Variants in TFRC observed in about 807,000 individuals in gnomAD.
TFRC encodes the protein transferrin receptor protein 1.
TFRC carries 35 observed loss-of-function variants against 85.8 expected under a neutral mutation model. The ratio of observed to expected loss-of-function variants is 0.41; its 90% confidence interval spans 0.31 to 0.54. TFRC has a LOEUF of 0.54. Ranked by LOEUF, TFRC falls within the 20% of genes least tolerant of loss-of-function variation. TFRC has a pLI of 0.31. For missense variants in TFRC, 828 were observed against 921.5 expected (o/e 0.90, Z 1.31); for synonymous variants, 362 against 328.6 (o/e 1.10, Z -1.10).
At chr3:196,061,949 T>C (rs531104995) in intron 13 of TFRC, among the ~76,000 whole-genome samples, 2 of 152,316 alleles carry the variant, frequency 1.3e-5, no homozygotes, top group Admixed American at 6.5e-5. Flanking sequence ...ACTGTGTAAC[T>C]TGACAGACTA....
chr3:196,057,227 G>A (rs988753922), intron 16 of TFRC, among the ~76,000 whole-genome samples: 4 of 152,190 alleles, frequency 2.6e-5, no homozygotes, highest in Admixed American at 1.3e-4. Flanking sequence ...ATCGAGCCCT[G>A]ACCTAACCAG....
chr3:196,060,098 G>T, intron 14 of TFRC, 82 bp downstream of exon 14: 1 of 1,072,040 alleles, frequency 9.3e-7, no homozygotes, highest in Non-Finnish European at 1.4e-6. Context: ...TACTGACTAC[G>T]GTTTACATAT....
intron 14 of TFRC, chr3:196,059,086 T>A (rs1192123008): frequency 6.5e-6 from 1 of 152,888 alleles, no homozygotes; most frequent in East Asian, 1.9e-4. Context: ...GAGGCCAAGG[T>A]CAAGAGATCA....
Position 196,058,353 on chromosome 3 carries a change from A to G in TFRC, c.1608T>C (p.Thr536=), listed in dbSNP as rs1174369607. The G allele has an allele frequency of 6.2e-7, 1 of 1,613,992 alleles. No homozygotes were observed. The highest frequency in any genetic ancestry group is 1.1e-5 in the South Asian group (1 of 91,050). Residue 536 remains threonine, a synonymous_variant, in exon 16 of 19, where the codon ACT becomes ACC. Transcript: ENST00000360110. ...SNWASKVEKL[T]LDNAAFPFLA... is the part of the protein sequence containing the mutation. ...GGAAAGGGAAAGCAGCATTGTCTAAAGTGAGTTTCTCACTGCAAAGACAAA... is the reference window on the plus strand; with the variant it reads ...GGAAAGGGAAAGCAGCATTGTCTAAGGTGAGTTTCTCACTGCAAAGACAAA...
At position 196,068,039 on chromosome 3, in the gene TFRC, A is replaced by G. The variant is rs751558521; in HGVS notation, c.893T>C (p.Phe298Ser). 5.9e-5 allele frequency: 95 copies of G among 1,611,750 alleles called. No individual in the cohort carries two copies. Among genetic ancestry groups the G allele is most frequent in the Non-Finnish European group, 7.9e-5 (93 of 1,179,014 alleles). ...FPIVNAELSFFGHAHLGTGDP... is the reference protein window; with the variant it reads ...FPIVNAELSFSGHAHLGTGDP... The stretch of plus-strand genomic sequence containing the variant: ...ACTCAAGAAATAACTCACATGTCCA[A>G]AGAATGAAAGTTCTGCGTTAACAAT... Residue 298 changes from phenylalanine (F) to serine (S), a missense_variant, in exon 8 of 19, where the codon TTT (phenylalanine) becomes TCT (serine). Phe to Ser is a radical substitution (Grantham distance 155). Coordinates refer to ENST00000360110, the MANE Select transcript of TFRC (RefSeq NM_001128148.3).
At chr3:196,058,454 T>C (rs1379180792) in intron 15 of TFRC, 89 bp from the exon 16 acceptor site, 5 of 1,481,372 alleles carry the variant, frequency 3.4e-6, no homozygotes, top group African/African-American at 2.8e-5. Context: ...ATAAATTCTT[T>C]AGCTGAATAT....
intron 1 of TFRC, 127 bp from the exon 2 acceptor site, chr3:196,077,249 T>A: frequency 1.6e-6 from 1 of 623,038 alleles, no homozygotes; most frequent in Non-Finnish European, 2.8e-6. Flanking sequence ...AAAAGGTATT[T>A]AACCATAGTT....
intron 4 of TFRC, among the ~76,000 whole-genome samples, 188 bp from the exon 5 acceptor site, chr3:196,072,340 T>A (rs1718283628): frequency 6.6e-6 from 1 of 152,212 alleles, no homozygotes; most frequent in Non-Finnish European, 1.5e-5. Flanking sequence ...CCAAATCTTG[T>A]AACTTCAAAG....
chr3:196,073,792 C>T (rs1162563608), intron 4 of TFRC, 138 bp downstream of exon 4: 3 of 875,772 alleles, frequency 3.4e-6, no homozygotes, highest in Non-Finnish European at 4.9e-6. Context: ...CAGGCCCCTT[C>T]CCCTCTTTAG....
chr3:196,066,331 G>A (rs372202818), intron 9 of TFRC, among the ~76,000 whole-genome samples: 3 of 151,948 alleles, frequency 2.0e-5, no homozygotes, highest in African/African-American at 7.3e-5. Context: ...GGTGGCTCAC[G>A]CCTGTAATCC....
chr3:196,051,953 T>C lies in TFRC; in HGVS notation c.2272A>G (p.Asn758Asp), dbSNP rs764248298. Residue 758 changes from asparagine (N) to aspartate (D), a missense_variant, in exon 19 of 19, where the codon AAT becomes GAT. By Grantham distance (23) the Asn-to-Asp change is conservative. Transcript: ENST00000360110. Reference sequence around the variant, plus strand: ...TATGGGTATCACATTTAAAACTCATTGTCAATGTCCCAAACGTCACCAGAG... The same window carrying C: ...TATGGGTATCACATTTAAAACTCATCGTCAATGTCCCAAACGTCACCAGAG... ...ALSGDVWDID[N>D]EF is the part of the protein sequence containing the mutation. 2.5e-6 allele frequency: 4 copies of C among 1,614,130 alleles called. No homozygotes were observed. The South Asian group carries it at 4.4e-5, about 18-fold the overall frequency.
chr3:196,081,731 CGAG>C (rs1719200906), intron 1 of TFRC: 1 of 152,374 alleles, frequency 6.6e-6, no homozygotes, highest in Admixed American at 6.5e-5. Flanking sequence ...GCTCTGTGAC[CGAG>C]GAGGCGGGCA....
Position 196,077,109 on chromosome 3 carries a change from CCA to C in TFRC, c.-12_-11del. 1.9e-6 allele frequency: 3 copies of C among 1,612,784 alleles called. No individual in the cohort carries two copies. Among genetic ancestry groups the C allele is most frequent in the Non-Finnish European group, 2.5e-6 (3 of 1,179,098 alleles). On this transcript the variant is annotated 5_prime_UTR_variant, in exon 2 of 19. Coordinates refer to ENST00000360110, the MANE Select transcript of TFRC (RefSeq NM_001128148.3). ...TAGCTTGATCCATCATTCTGAACTG[CCA>C]CACAGAAGAACCTAGGTATCAGAAT...
Position 196,071,501 on chromosome 3 carries a change from G to T in TFRC, c.585-3C>A, listed in dbSNP as rs1365202776. 1 of 1,613,506 alleles carries T rather than the reference G, an allele frequency of 6.2e-7. No individual in the cohort carries two copies. Among genetic ancestry groups the T allele is most frequent in the Non-Finnish European group, 8.5e-7 (1 of 1,179,658 alleles). On this transcript the variant is annotated splice_region_variant and splice_polypyrimidine_tract_variant and intron_variant, in intron 5 of 18. Coordinates refer to ENST00000360110, the MANE Select transcript of TFRC (RefSeq NM_001128148.3). Reference sequence around the variant, plus strand: ...CTATGATCACCGAGTTTTGAGCGCTGTTAAAAAGATTAAGTTAAAATAAGC... The same window carrying T: ...CTATGATCACCGAGTTTTGAGCGCTTTTAAAAAGATTAAGTTAAAATAAGC...
chr3:196,077,985 C>T (rs1040517655), intron 1 of TFRC, among the ~76,000 whole-genome samples: 4 of 152,134 alleles, frequency 2.6e-5, no homozygotes, highest in African/African-American at 9.7e-5. Flanking sequence ...AACTAAGTGG[C>T]CTGTTCAAGG....
chr3:196,079,592 G>A (rs1422058294), intron 1 of TFRC, among the ~76,000 whole-genome samples: 3 of 152,122 alleles, frequency 2.0e-5, no homozygotes, highest in Non-Finnish European at 4.4e-5. Flanking sequence ...CTACAGCCTG[G>A]GCAACAAGCG....
intron 16 of TFRC, 80 bp downstream of exon 16, chr3:196,058,204 T>G (rs953094094): frequency 3.5e-6 from 4 of 1,137,636 alleles, no homozygotes; most frequent in Non-Finnish European, 3.9e-6. Context: ...GCATTCCCAT[T>G]GCAATGCCCT....
chr3:196,063,042 G>A, intron 11 of TFRC, 103 bp from the exon 12 acceptor site: 2 of 794,630 alleles, frequency 2.5e-6, no homozygotes, highest in Non-Finnish European at 3.8e-6. Context: ...TTCCAAGATA[G>A]CAGATTCCAA....
intron 1 of TFRC, among the ~76,000 whole-genome samples, chr3:196,079,244 C>A (rs1212236389): frequency 6.6e-6 from 1 of 152,182 alleles, no homozygotes; most frequent in Non-Finnish European, 1.5e-5. Flanking sequence ...TAGGAAAAAA[C>A]ATCTTGCAAG....
Sources: allele counts gnomAD v4.1 joint callset (sites outside exome capture counted in the v4.1 genomes callset), GRCh38; gene constraint gnomAD v4.1.1; transcripts MANE v1.5; gene names NCBI Gene and HGNC (gene_info 2026-07-23, HGNC 2026-07-21).